The following NTM variants were observed in gnomAD, a reference collection of about 807,000 sequenced individuals.
NTM encodes neurotrimin.
NTM carries 13 observed loss-of-function variants against 42.1 expected under a neutral mutation model. The ratio of observed to expected loss-of-function variants is 0.31; its 90% CI spans 0.20 to 0.49. NTM has a LOEUF of 0.49. Ranked by LOEUF, NTM falls within the 20% of genes least tolerant of loss-of-function variation. NTM has a pLI of 0.99. For synonymous variants in NTM, 187 were observed against 179.2 expected (o/e 1.04, Z -0.35); for missense variants, 373 against 452.8 (o/e 0.82, Z 1.60).
intron 1 of NTM, among the ~76,000 whole-genome samples, chr11:131,693,095 G>T (rs545125511): frequency 9.9e-5 from 15 of 152,190 alleles, no homozygotes; most frequent in Non-Finnish European, 2.2e-4. Flanking sequence ...GTTGGGACTG[G>T]GAGTTTGGCC....
chr11:131,960,712 A>T (rs1198743106), intron 2 of NTM, among the ~76,000 whole-genome samples: 2 of 152,170 alleles, frequency 1.3e-5, no homozygotes, highest in African/African-American at 2.4e-5. Context: ...GAGTGGTTCT[A>T]TGACAAAAGA....
intron 2 of NTM, among the ~76,000 whole-genome samples, chr11:132,046,225 G>C (rs1309662179): frequency 6.6e-6 from 1 of 152,186 alleles, no homozygotes; most frequent in African/African-American, 2.4e-5. Flanking sequence ...TGTGTGCACA[G>C]CTAATGCTGA....
chr11:131,698,090 CAG>C (rs1379870969), intron 1 of NTM, among the ~76,000 whole-genome samples: 1 of 152,204 alleles, frequency 6.6e-6, no homozygotes, highest in Non-Finnish European at 1.5e-5. Context: ...CAGGTCAAGA[CAG>C]ACAAAGTTCT....
At chr11:131,708,961 G>T (rs907677911) in intron 1 of NTM, among the ~76,000 whole-genome samples, 4 of 152,156 alleles carry the variant, frequency 2.6e-5, no homozygotes, top group African/African-American at 9.7e-5. Context: ...GAATTGTAAC[G>T]GTCCTCACTT....
chr11:131,477,490 AGAG>A (rs1953077136), intron 1 of NTM, among the ~76,000 whole-genome samples: 1 of 151,754 alleles, frequency 6.6e-6, no homozygotes, highest in Admixed American at 6.6e-5. Flanking sequence ...AGTGGGAGGG[AGAG>A]GAGGAGAGAG....
At chr11:132,086,495 T>C (rs2059730624) in intron 2 of NTM, among the ~76,000 whole-genome samples, 1 of 152,156 alleles carries the variant, frequency 6.6e-6, no homozygotes, top group Admixed American at 6.5e-5. Flanking sequence ...TGAGTGCTGT[T>C]TAAGAAAGTC....
intron 1 of NTM, among the ~76,000 whole-genome samples, chr11:131,413,662 T>C (rs1946656450): frequency 1.3e-5 from 2 of 152,152 alleles, no homozygotes; most frequent in Non-Finnish European, 2.9e-5. Context: ...ACACAGACAG[T>C]TGGGTTGCCA....
At chr11:131,976,900 T>C (rs751369255) in intron 2 of NTM, among the ~76,000 whole-genome samples, 5 of 152,160 alleles carry the variant, frequency 3.3e-5, no homozygotes, top group Non-Finnish European at 1.5e-5. Flanking sequence ...GTTCCCTAAA[T>C]GAAGAGCAGC....
At chr11:131,797,767 G>A (rs949264965) in intron 1 of NTM, among the ~76,000 whole-genome samples, 2 of 152,084 alleles carry the variant, frequency 1.3e-5, no homozygotes, top group South Asian at 4.1e-4. Context: ...ATTAAAAACT[G>A]TTGAATAATT....
At chr11:131,606,199 C>T (rs935007032) in intron 1 of NTM, among the ~76,000 whole-genome samples, 1 of 152,108 alleles carries the variant, frequency 6.6e-6, no homozygotes, top group Admixed American at 6.5e-5. Flanking sequence ...CCTTCAGGCA[C>T]ACACCACCAT....
chr11:131,901,340 C>A (rs1475256277), intron 1 of NTM, among the ~76,000 whole-genome samples: 1 of 152,226 alleles, frequency 6.6e-6, no homozygotes, highest in African/African-American at 2.4e-5. Context: ...CAGCAACTTA[C>A]ATGCATACTT....
chr11:132,019,507 A>G (rs1476771538), intron 2 of NTM, among the ~76,000 whole-genome samples: 3 of 151,990 alleles, frequency 2.0e-5, no homozygotes, highest in African/African-American at 7.2e-5. Context: ...AGGTATGCAT[A>G]CCTATATAAG....
chr11:131,896,382 T>C (rs2052268805), intron 1 of NTM, among the ~76,000 whole-genome samples: 2 of 152,092 alleles, frequency 1.3e-5, no homozygotes, highest in South Asian at 2.1e-4. Context: ...AACTACCCCA[T>C]AGGATATAAT....
chr11:131,414,890 G>A (rs1946784600), intron 1 of NTM, among the ~76,000 whole-genome samples: 1 of 152,106 alleles, frequency 6.6e-6, no homozygotes, highest in Non-Finnish European at 1.5e-5. Context: ...TGTCTATACA[G>A]TGCTGCTACC....
At chr11:131,500,148 C>T (rs1176389478) in intron 1 of NTM, among the ~76,000 whole-genome samples, 1 of 152,196 alleles carries the variant, frequency 6.6e-6, no homozygotes, top group African/African-American at 2.4e-5. Flanking sequence ...CCCACAGTCC[C>T]TGAAGCAGAA....
chr11:132,010,213 C>T (rs549658336), intron 2 of NTM, among the ~76,000 whole-genome samples: 17 of 152,300 alleles, frequency 1.1e-4, no homozygotes, highest in African/African-American at 4.1e-4. Flanking sequence ...AATGATTTCT[C>T]CCTCCTATAA....
intron 1 of NTM, chr11:131,671,584 C>A: frequency 1.0e-6 from 1 of 985,322 alleles, no homozygotes. Context: ...CTGGAGCCCA[C>A]GCTGGGCTGG....
intron 1 of NTM, among the ~76,000 whole-genome samples, chr11:131,890,007 T>C (rs1313965964): frequency 6.6e-6 from 1 of 152,018 alleles, no homozygotes. Flanking sequence ...GACTCCTCCT[T>C]CTCAGCCCAC....
intron 2 of NTM, among the ~76,000 whole-genome samples, chr11:131,945,890 A>G (rs966280193): frequency 3.3e-5 from 5 of 152,228 alleles, no homozygotes; most frequent in African/African-American, 1.2e-4. Flanking sequence ...CCTGCCAGCG[A>G]TAAGCAATCT....
Sources: allele counts gnomAD v4.1 joint callset (sites outside exome capture counted in the v4.1 genomes callset), GRCh38; gene constraint gnomAD v4.1.1; transcripts MANE v1.5; gene names NCBI Gene and HGNC (gene_info 2026-07-23, HGNC 2026-07-21).